FRMPD4: variants seen among roughly 807,000 people sequenced by gnomAD.
FRMPD4 encodes FERM and PDZ domain containing 4.
In FRMPD4, 22 loss-of-function variants were observed where a neutral mutation model predicts 94.1. That is an observed-to-expected ratio of 0.23 (90% CI 0.17 to 0.33). The LOEUF is 0.33. FRMPD4 is among the 10% of genes least tolerant of loss of function. FRMPD4 has a pLI of 1.00. For synonymous variants in FRMPD4, 631 were observed against 548.6 expected, an observed-to-expected ratio of 1.15 and a Z score of -2.10; for missense variants, 1,111 against 1,339.9, an observed-to-expected ratio of 0.83 and a Z score of 2.67.
chrX:11,864,183 A>G (rs1286112972), intron 1 of FRMPD4, among the ~76,000 whole-genome samples: 4 of 110,420 alleles, frequency 3.6e-5, no homozygotes, highest in Non-Finnish European at 5.7e-5. Context: ...AGTCACACAC[A>G]TTGCATGGAT....
In FRMPD4 at chrX:12,309,116, AT is replaced by A. The variant is rs200817393; in HGVS notation, c.41+170106del. On this transcript the variant is annotated intron_variant, in intron 1 of 16. Transcript: ENST00000675598. ...CTGCTGTTATTGCATGACATATGCC[AT>A]TGACAATATATAAACAAGTGAATAT... Among the ~76,000 whole-genome samples, 536 of 112,460 alleles carry A rather than the reference AT, an allele frequency of 4.8e-3. 1 individual carries two copies. The highest frequency in any genetic ancestry group is 0.016 in the African/African-American group (501 of 30,951).
At chrX:12,226,870 G>C (rs1452338600) in intron 1 of FRMPD4, among the ~76,000 whole-genome samples, 1 of 109,655 alleles carries the variant, frequency 9.1e-6, no homozygotes, top group African/African-American at 3.3e-5. Context: ...CCTCTGCTTG[G>C]GAAGGAGGCA....
chrX:12,231,048 A>ATATATATATAT (rs1387528584), intron 1 of FRMPD4, among the ~76,000 whole-genome samples: 4 of 31,846 alleles, frequency 1.3e-4, no homozygotes, highest in African/African-American at 4.1e-4. Flanking sequence ...ATATATATAT[A>ATATATATATAT]AAATATATAT....
chrX:11,941,546 A>C, intron 3 of FRMPD4, among the ~76,000 whole-genome samples: 1 of 112,088 alleles, frequency 8.9e-6, no homozygotes, highest in Middle Eastern at 4.6e-3. Context: ...TGGAGAGGAA[A>C]AACAGCTCCA....
intron 2 of FRMPD4, among the ~76,000 whole-genome samples, chrX:12,539,335 G>A (rs1016340138): frequency 8.0e-5 from 9 of 112,096 alleles, no homozygotes; most frequent in African/African-American, 2.9e-4. Flanking sequence ...AAGTGACAGG[G>A]AGAATGGAAC....
upstream of FRMPD4, among the ~76,000 whole-genome samples, chrX:12,137,765 G>A (rs1344498201): frequency 8.9e-6 from 1 of 112,278 alleles, no homozygotes; most frequent in African/African-American, 3.2e-5. Context: ...CTCTGCCTAA[G>A]GTGAGTGTTT....
chrX:12,131,266 A>G (rs2055550694), intron 3 of FRMPD4, among the ~76,000 whole-genome samples: 1 of 112,202 alleles, frequency 8.9e-6, no homozygotes, highest in Non-Finnish European at 1.9e-5. Context: ...ATATACAGTT[A>G]TCTGGTAAAA....
chrX:12,207,582 G>A (rs2056707179), intron 1 of FRMPD4, among the ~76,000 whole-genome samples: 1 of 109,083 alleles, frequency 9.2e-6, no homozygotes, highest in South Asian at 4.1e-4. Flanking sequence ...CTTGAAAGAA[G>A]AGGAGCACAT....
At chrX:12,202,493 TA>T (rs1330350736) in intron 1 of FRMPD4, among the ~76,000 whole-genome samples, 1 of 112,331 alleles carries the variant, frequency 8.9e-6, no homozygotes, top group Non-Finnish European at 1.9e-5. Flanking sequence ...GTTCTAAGAA[TA>T]CTTATCTCCA....
At chrX:12,541,205 T>G (rs1196090647) in intron 2 of FRMPD4, among the ~76,000 whole-genome samples, 3 of 111,167 alleles carry the variant, frequency 2.7e-5, no homozygotes, top group South Asian at 3.8e-4. Context: ...CAAACACATT[T>G]AAAAGCTAGC....
At chrX:11,842,859 C>A (rs1940322606) in intron 1 of FRMPD4, among the ~76,000 whole-genome samples, 1 of 107,221 alleles carries the variant, frequency 9.3e-6, no homozygotes, top group African/African-American at 3.4e-5. Flanking sequence ...AGTTTTTGCC[C>A]ATTCAGTATG....
chrX:12,533,460 G>A lies in FRMPD4; in HGVS notation c.158+34664G>A, dbSNP rs539841346. On this transcript the variant is annotated intron_variant, in intron 2 of 16. Transcript: ENST00000675598. Reference sequence around the variant, plus strand: ...GGAAGCAACTTTGGAACTGGGTAACGGGCAGAGGTTTGAACAGTTTGGAGG... The same window carrying A: ...GGAAGCAACTTTGGAACTGGGTAACAGGCAGAGGTTTGAACAGTTTGGAGG... Among the ~76,000 whole-genome samples the A allele has an allele frequency of 3.6e-5, 4 of 111,927 alleles. No homozygotes were observed. In the South Asian group the frequency reaches 1.5e-3, roughly 42 times the overall value.
chrX:12,408,008 C>CA (rs990433177), intron 1 of FRMPD4, among the ~76,000 whole-genome samples: 15 of 108,682 alleles, frequency 1.4e-4, no homozygotes, highest in African/African-American at 5.0e-4. Context: ...AGCAGAGAGA[C>CA]AAAAGAAAGA....
rs752991908 is a variant in FRMPD4 at position 12,528,326 on chromosome X, T to G, written c.158+29530T>G. On this transcript the variant is annotated intron_variant, in intron 2 of 16. Transcript: ENST00000675598. The stretch of plus-strand genomic sequence containing the variant: ...CTGTTTTTTTTTGTTTTTGTTTTTT[T>G]TTTTTTTTTTTGGAGACAGAGTCTT... Among the ~76,000 whole-genome samples, 159 of 99,737 alleles carry G rather than the reference T, an allele frequency of 1.6e-3. 1 individual carries two copies. Among genetic ancestry groups the G allele is most frequent in the Admixed American group, 0.01 (93 of 9,239 alleles). The allele number at this position is 99,737 out of a possible 115,157, so 86.6% of individuals were successfully genotyped here.
chrX:11,976,494 C>G (rs150141307), intron 3 of FRMPD4, among the ~76,000 whole-genome samples: 1,158 of 112,060 alleles, frequency 0.01, 9 homozygotes, highest in African/African-American at 0.036. Flanking sequence ...TTCAGGTAAG[C>G]TGTTGTCTTG....
intron 3 of FRMPD4, among the ~76,000 whole-genome samples, chrX:11,881,706 T>A (rs1224842113): frequency 1.8e-5 from 2 of 111,942 alleles, no homozygotes; most frequent in African/African-American, 3.3e-5. Context: ...GTAGTCATGG[T>A]TACACAAACA....
intron 1 of FRMPD4, among the ~76,000 whole-genome samples, chrX:12,271,275 T>G (rs990927842): frequency 8.9e-6 from 1 of 112,198 alleles, no homozygotes; most frequent in Non-Finnish European, 1.9e-5. Context: ...TATTCACAAA[T>G]TAAACATACT....
At chrX:12,546,297 C>A (rs2058475306) in intron 2 of FRMPD4, among the ~76,000 whole-genome samples, 1 of 110,056 alleles carries the variant, frequency 9.1e-6, no homozygotes, top group African/African-American at 3.3e-5. Flanking sequence ...TCTACTGCAG[C>A]CTCCCGAGTA....
chrX:12,118,638 G>C (rs1477341586), intron 3 of FRMPD4, among the ~76,000 whole-genome samples: 1 of 111,745 alleles, frequency 8.9e-6, no homozygotes, highest in African/African-American at 3.3e-5. Flanking sequence ...GGCTCATCCT[G>C]CCTCCCACAC....
Sources: allele counts gnomAD v4.1 joint callset (sites outside exome capture counted in the v4.1 genomes callset), GRCh38; gene constraint gnomAD v4.1.1; transcripts MANE v1.5; gene names NCBI Gene and HGNC (gene_info 2026-07-23, HGNC 2026-07-21).